Variants in USF1 observed in about 807,000 individuals in gnomAD.
The protein encoded by USF1 is upstream stimulatory factor 1.
A neutral mutation model predicts 46.3 loss-of-function variants in USF1; 22 were observed. The ratio of observed to expected loss-of-function variants is 0.47; its 90% CI spans 0.34 to 0.68. The LOEUF (loss-of-function observed/expected upper bound fraction) is 0.68. Among genes scored for constraint, USF1 ranks in the 30% least tolerant of loss-of-function variants. The pLI is 0.01. For synonymous variants in USF1, 150 were observed against 147.0 expected (o/e 1.02, Z -0.15); for missense variants, 287 against 399.3 (o/e 0.72, Z 2.40).
rs200060439 is a variant in USF1, at chr1:161,039,933, T to C, written c.920A>G (p.Asn307Ser). The C allele has an allele frequency of 3.7e-6, 6 of 1,614,188 alleles. No individual in the cohort carries two copies. Among genetic ancestry groups the C allele is most frequent in the East Asian group, 4.5e-5 (2 of 44,886 alleles). ...RHHGLEVVIK[N>S]DSN Reference sequence around the variant, plus strand: ...GAATCCCCATAGTTAGTTGCTGTCATTCTTGATGACGACCTCTAATCCGTG... The same window carrying C: ...GAATCCCCATAGTTAGTTGCTGTCACTCTTGATGACGACCTCTAATCCGTG... Residue 307 changes from asparagine (N) to serine (S), a missense_variant, in exon 11 of 11, where the codon AAT (asparagine) becomes AGT (serine). Asn to Ser is a conservative substitution (Grantham distance 46). Transcript: ENST00000368021.
chr1:161,039,330 AGGG>A lies in USF1; in HGVS notation c.*587_*589del, dbSNP rs1650416690. The A allele has an allele frequency of 6.2e-6, 1 of 160,424 alleles. No homozygotes were observed. Among genetic ancestry groups the A allele is most frequent in the African/African-American group, 2.4e-5 (1 of 41,346 alleles). 9.9% of individuals were successfully genotyped at this position (160,424 alleles called of 1,614,324 possible). On this transcript the variant is annotated 3_prime_UTR_variant, in exon 11 of 11. Transcript: ENST00000368021. ...AGAAAAAAAAAAAACGACCCCCACA[AGGG>A]GGAAGGCCCCAAGTGGGCCCCTGCC...
Position 161,041,682 on chromosome 1 carries a change from T to C in USF1, c.441A>G (p.Ala147=). 6.2e-7 allele frequency: 1 copy of C among 1,612,748 alleles called. No individual in the cohort carries two copies. Among genetic ancestry groups the C allele is most frequent in the Non-Finnish European group, 8.5e-7 (1 of 1,178,968 alleles). The change falls in exon 6 of 11, where the codon GCA becomes GCG. Residue 147 remains alanine, a synonymous_variant. Transcript: ENST00000368021. ...CAGGAGGGGTCGCCTGCCCCAGCAG[T>C]GCCTCTGAGCCCTGGGTAGTAACAA... ...AAVVTTQGSE[A]LLGQATPPGT...
chr1:161,042,090 T>G, intron 5 of USF1, 26 bp downstream of exon 5: 2 of 1,589,240 alleles, frequency 1.3e-6, no homozygotes, highest in Non-Finnish European at 1.7e-6. Flanking sequence ...AGAACTCTAG[T>G]GACCTCCCCA....
Position 161,040,395 on chromosome 1 carries a change from A to G in USF1, c.715-65T>C. ...GATACCCAGCTTGCTTTCCAAAAGT[A>G]GGTTCACACTTTGGACCTCATTTTC... On this transcript the variant is annotated intron_variant, in intron 9 of 10. Coordinates refer to ENST00000368021, the MANE Select transcript of USF1 (RefSeq NM_007122.5). The surrounding 1 kb of genome is among the most constrained non-coding windows in gnomAD (Gnocchi z 4.0). 6.2e-7 allele frequency: 1 copy of G among 1,605,152 alleles called. No homozygotes were observed. Among genetic ancestry groups the G allele is most frequent in the Non-Finnish European group, 8.5e-7 (1 of 1,174,304 alleles).
chr1:161,043,241 C>T (rs752977903), intron 2 of USF1, 27 bp downstream of exon 2: 1 of 1,614,186 alleles, frequency 6.2e-7, no homozygotes, highest in Non-Finnish European at 8.5e-7. Context: ...CATCTTTCAT[C>T]CCAGACCCTA....
rs1372016951 is a variant in USF1 at position 161,040,976 on chromosome 1, T to C, written c.561-104A>G. The stretch of plus-strand genomic sequence containing the variant: ...ATTTAGCAGGTATTAGGACCACTTA[T>C]GGTAGCTAGGTGTGGTGTCTCACAC... On this transcript the variant is annotated intron_variant, in intron 7 of 10. Transcript: ENST00000368021. The surrounding 1 kb of genome is among the most constrained non-coding windows in gnomAD (Gnocchi z 4.0). 11 of 1,445,702 alleles carry C rather than the reference T, an allele frequency of 7.6e-6. No homozygotes were observed. The highest frequency in any genetic ancestry group is 1.0e-5 in the Non-Finnish European group (11 of 1,054,824). The allele number at this position is 1,445,702 out of a possible 1,614,324, so 89.6% of individuals were successfully genotyped here. A position where few individuals can be genotyped will look rare whatever the true frequency, so the allele number is the denominator to read the frequency against.
At chr1:161,043,627 T>C (rs1371867109) in intron 1 of USF1, among the ~76,000 whole-genome samples, 3 of 149,486 alleles carry the variant, frequency 2.0e-5, no homozygotes, top group Non-Finnish European at 4.5e-5. Flanking sequence ...ACACTTTTTT[T>C]TTTTTTTTTT....
Position 161,039,499 on chromosome 1 carries a change from A to T in USF1, c.*421T>A, listed in dbSNP as rs2102010003. The T allele has an allele frequency of 5.6e-6, 1 of 179,888 alleles. No homozygotes were observed. 11.1% of individuals were successfully genotyped at this position (179,888 alleles called of 1,614,324 possible). On this transcript the variant is annotated 3_prime_UTR_variant, in exon 11 of 11. Coordinates refer to ENST00000368021, the MANE Select transcript of USF1 (RefSeq NM_007122.5). ...CTTGCTCCCCTGAGCCACAGGTTGC[A>T]CATCTAAACCTCAGCTCCAGGGAAA... is the stretch of plus-strand genomic sequence containing the variant.
In USF1 at chr1:161,042,539, T is replaced by C. The variant is rs1177042842; in HGVS notation, c.174+16A>G. On this transcript the variant is annotated intron_variant, in intron 4 of 10. Coordinates refer to ENST00000368021, the MANE Select transcript of USF1 (RefSeq NM_007122.5). ...ACCCCAGATAACACCTGCAGCCACC[T>C]GGCCCCCTCCCTTACCTGGCCCCCA... 1 of 1,613,658 alleles carries C rather than the reference T, an allele frequency of 6.2e-7. No individual in the cohort carries two copies. Among genetic ancestry groups the C allele is most frequent in the Non-Finnish European group, 8.5e-7 (1 of 1,179,722 alleles).
At position 161,039,272 on chromosome 1, in the gene USF1, T is replaced by TAAAAAAAAAAAAAAAAAA. The variant is rs748404757; in HGVS notation, c.*630_*647dup. The TAAAAAAAAAAAAAAAAAA allele has an allele frequency of 8.4e-5, 5 of 59,216 alleles. No homozygotes were observed. The highest frequency in any genetic ancestry group is 8.6e-5 in the Non-Finnish European group (3 of 34,838). The allele number at this position is 59,216 out of a possible 1,614,324, so 3.7% of individuals were successfully genotyped here. A position where few individuals can be genotyped will look rare whatever the true frequency, so the allele number is the denominator to read the frequency against. On this transcript the variant is annotated 3_prime_UTR_variant, in exon 11 of 11. Coordinates refer to ENST00000368021, the MANE Select transcript of USF1 (RefSeq NM_007122.5). ...ACTGTGGCTTTGAACAATTTTATCT[T>TAAAAAAAAAAAAAAAAAA]AAAAAAAAAAAAAAAAAAAAAAAAA... is the stretch of plus-strand genomic sequence containing the variant.
rs577595209 is a variant in USF1, at chr1:161,045,150, T to C, written c.-86+708A>G. Among the ~76,000 whole-genome samples, 5 of 152,174 alleles carry C rather than the reference T, an allele frequency of 3.3e-5. No individual in the cohort carries two copies. The East Asian group carries it at 7.7e-4, about 24-fold the overall frequency. ...CTGACTGCAGGGGAAGGCAATGAAA[T>C]AGAGGGCCCGGCACAGGAGGCATCT... On this transcript the variant is annotated intron_variant, in intron 1 of 10. Coordinates refer to ENST00000368021, the MANE Select transcript of USF1 (RefSeq NM_007122.5).
At position 161,040,847 on chromosome 1, in the gene USF1, G is replaced by A. The variant is rs756601757; in HGVS notation, c.586C>T (p.Arg196Trp). 3.1e-6 allele frequency: 5 copies of A among 1,613,950 alleles called. No individual in the cohort carries two copies. The highest frequency in any genetic ancestry group is 3.4e-6 in the Non-Finnish European group (4 of 1,179,976). ...TGCTGAGCCCTGCGTTTCTCATCCC[G>A]AGTCGTCCGGGGAGCTTCTGACTTC... ...SPKSEAPRTT[R>W]DEKRRAQHNE... Residue 196 changes from arginine to tryptophan, a missense_variant, in exon 8 of 11, where the codon CGG (arginine) becomes TGG (tryptophan). By Grantham distance (101) the Arg-to-Trp change is moderately radical. Transcript: ENST00000368021. The surrounding 1 kb of genome is among the most constrained non-coding windows in gnomAD (Gnocchi z 4.0).
chr1:161,041,724 C>A lies in USF1; in HGVS notation c.399G>T (p.Ser133=), dbSNP rs781322237. The part of the protein sequence containing the change: ...AVGDGAGGTT[S]GSTAAVVTTQ... ...TAGTAACAACAGCAGCTGTACTCCC[C>A]GATGTGGTACCCCCTGCCCCATCTC... Residue 133 remains serine (S), a synonymous_variant, in exon 6 of 11, where the codon TCG becomes TCT. Coordinates refer to ENST00000368021, the MANE Select transcript of USF1 (RefSeq NM_007122.5). 1.2e-6 allele frequency: 2 copies of A among 1,614,078 alleles called. No homozygotes were observed. Among genetic ancestry groups the A allele is most frequent in the South Asian group, 1.1e-5 (1 of 91,088 alleles).
chr1:161,042,491 T>C, intron 4 of USF1, 64 bp downstream of exon 4: 1 of 1,569,954 alleles, frequency 6.4e-7, no homozygotes, highest in Admixed American at 1.7e-5. Flanking sequence ...CCAAGACATG[T>C]TCAATTACCT....
At chr1:161,041,948 A>AGG (rs1650583100) in intron 5 of USF1, 102 bp from the exon 6 acceptor site, 2 of 316,326 alleles carry the variant, frequency 6.3e-6, no homozygotes, top group African/African-American at 2.3e-5. Context: ...GGTAGGGTGG[A>AGG]GAGAGAGAGA....
In USF1 at chr1:161,043,332, T is replaced by A. The variant is rs1650649671; in HGVS notation, c.-57A>T. On this transcript the variant is annotated 5_prime_UTR_variant, in exon 2 of 11. Transcript: ENST00000368021. ...GTCCTTTTTTGGAGGTCTTTGTATC[T>A]CCTGATTCACAGGCCTGAGTGCTAA... 1 of 1,613,900 alleles carries A rather than the reference T, an allele frequency of 6.2e-7. No homozygotes were observed. Among genetic ancestry groups the A allele is most frequent in the East Asian group, 2.2e-5 (1 of 44,878 alleles).
In USF1 at chr1:161,039,282, AAAAAAAAAAAAAAAAAAAGAAAAG is replaced by A. The variant is rs1557903918; in HGVS notation, c.*614_*637del. 3 of 164,108 alleles carry A rather than the reference AAAAAAAAAAAAAAAAAAAGAAAAG, an allele frequency of 1.8e-5. No homozygotes were observed. The highest frequency in any genetic ancestry group is 7.1e-5 in the Admixed American group (1 of 14,102). 10.2% of individuals were successfully genotyped at this position (164,108 alleles called of 1,614,324 possible). A position where few individuals can be genotyped will look rare whatever the true frequency, so the allele number is the denominator to read the frequency against. On this transcript the variant is annotated 3_prime_UTR_variant, in exon 11 of 11. Coordinates refer to ENST00000368021, the MANE Select transcript of USF1 (RefSeq NM_007122.5). ...TGAACAATTTTATCTTAAAAAAAAAAAAAAAAAAAAAAAAAAAAGAAAAGAAAAAAAAAAAACGACCCCCACAAG... is the reference window on the plus strand; with the variant it reads ...TGAACAATTTTATCTTAAAAAAAAAAAAAAAAAAAAAACGACCCCCACAAG...
rs1449275625 is a variant in USF1, at chr1:161,040,035, G to A, written c.844-26C>T. ...CTGACATGGGAAGGAGGCAGTAAAG[G>A]GAATGGGTAGTAAAGCTGGCACTTC... On this transcript the variant is annotated intron_variant, in intron 10 of 10. Transcript: ENST00000368021. The surrounding 1 kb of genome is among the most constrained non-coding windows in gnomAD (Gnocchi z 4.0). 1 of 1,614,012 alleles carries A rather than the reference G, an allele frequency of 6.2e-7. No homozygotes were observed. The highest frequency in any genetic ancestry group is 8.5e-7 in the Non-Finnish European group (1 of 1,179,890).
intron 4 of USF1, 26 bp from the exon 5 acceptor site, chr1:161,042,243 G>A (rs754846825): frequency 1.3e-6 from 2 of 1,589,608 alleles, no homozygotes; most frequent in African/African-American, 2.7e-5. Flanking sequence ...AAGGCAGAGG[G>A]AGTGAAGAGA....
Sources: allele counts gnomAD v4.1 joint callset (sites outside exome capture counted in the v4.1 genomes callset), GRCh38; gene constraint gnomAD v4.1.1; non-coding constraint Gnocchi (gnomAD v3.1); transcripts MANE v1.5; gene names NCBI Gene and HGNC (gene_info 2026-07-23, HGNC 2026-07-21).